COL4A4: variants seen among roughly 807,000 people sequenced by gnomAD.
COL4A4 encodes the protein collagen type IV alpha 4 chain.
Under a neutral mutation model 192.9 loss-of-function variants are expected in COL4A4, and 105 were observed. The ratio of observed to expected loss-of-function variants is 0.54; its 90% CI spans 0.46 to 0.64. COL4A4 has a LOEUF of 0.64. Ranked by LOEUF, COL4A4 falls within the 30% of genes least tolerant of loss-of-function variation. The pLI is 0.00. For synonymous variants in COL4A4, 762 were observed against 769.9 expected, an observed-to-expected ratio of 0.99 and a Z score of 0.17; for missense variants, 1,967 against 2,169.3, an observed-to-expected ratio of 0.91 and a Z score of 1.85.
At chr2:227,072,495 A>G (rs2058779198) in intron 25 of COL4A4, among the ~76,000 whole-genome samples, 1 of 151,886 alleles carries the variant, frequency 6.6e-6, no homozygotes, top group Admixed American at 6.6e-5. Flanking sequence ...ATTGGTACAA[A>G]TCCTACTGAA....
At chr2:226,971,892 G>A in the COL4A4 span, among the ~76,000 whole-genome samples, 2 of 148,576 alleles carry the variant, frequency 1.3e-5, no homozygotes, top group Non-Finnish European at 3.0e-5. Context: ...GAAAACTAGA[G>A]AGAAAGCAAA....
intron 20 of COL4A4, 45 bp from the exon 21 acceptor site, chr2:227,090,002 T>C: frequency 6.7e-7 from 1 of 1,495,088 alleles, no homozygotes. Context: ...CACATAATTT[T>C]TCTGACTGTC....
chr2:227,104,056 A>T lies in COL4A4; in HGVS notation c.736-4T>A. On this transcript the variant is annotated splice_region_variant and splice_polypyrimidine_tract_variant and intron_variant, in intron 12 of 47. Coordinates refer to ENST00000396625, the MANE Select transcript of COL4A4 (RefSeq NM_000092.5). The stretch of plus-strand genomic sequence containing the variant: ...AACCTTGCTGACCAACCTCACCCTT[A>T]AAAAAAAAAGCAAGATAATGAAAAT... The T allele has an allele frequency of 1.6e-6, 2 of 1,254,880 alleles. No homozygotes were observed. Among genetic ancestry groups the T allele is most frequent in the South Asian group, 1.4e-5 (1 of 70,274 alleles). 77.7% of individuals were successfully genotyped at this position (1,254,880 alleles called of 1,614,324 possible). A position where few individuals can be genotyped will look rare whatever the true frequency, so the allele number is the denominator to read the frequency against.
intron 4 of COL4A4, among the ~76,000 whole-genome samples, chr2:227,138,842 T>C (rs1014619933): frequency 1.3e-5 from 2 of 152,088 alleles, no homozygotes; most frequent in African/African-American, 4.8e-5. Flanking sequence ...GAGAGAAATA[T>C]GTTGTCCCTT....
chr2:227,159,643 C>T (rs2064658938), intron 1 of COL4A4, among the ~76,000 whole-genome samples: 1 of 152,150 alleles, frequency 6.6e-6, no homozygotes. Context: ...ATGCTATTCT[C>T]ATGATACTGA....
intron 1 of COL4A4, among the ~76,000 whole-genome samples, chr2:227,158,205 C>A (rs989230368): frequency 6.6e-6 from 1 of 152,076 alleles, no homozygotes; most frequent in Non-Finnish European, 1.5e-5. Flanking sequence ...TGATTTTTCA[C>A]AAAGGTGCCA....
At chr2:226,992,013 C>T in the COL4A4 span, among the ~76,000 whole-genome samples, 1 of 152,226 alleles carries the variant, frequency 6.6e-6, no homozygotes, top group Non-Finnish European at 1.5e-5. Context: ...TGTCCAGATT[C>T]TTTCCTGTGT....
the COL4A4 span, among the ~76,000 whole-genome samples, chr2:226,993,573 A>G: frequency 6.6e-6 from 1 of 152,244 alleles, no homozygotes; most frequent in Non-Finnish European, 1.5e-5. Context: ...AGATTCCTTT[A>G]CAAATACATA....
At chr2:227,009,612 C>T (rs189325445) in intron 46 of COL4A4, among the ~76,000 whole-genome samples, 31 of 151,818 alleles carry the variant, frequency 2.0e-4, no homozygotes, top group Admixed American at 3.3e-4. Flanking sequence ...GCAGGAGAAT[C>T]GCTCGAACCC....
At chr2:226,971,909 CTT>C in the COL4A4 span, among the ~76,000 whole-genome samples, 98 of 146,364 alleles carry the variant, frequency 6.7e-4, 1 homozygote, top group Middle Eastern at 3.5e-3. Flanking sequence ...CAAAAGCCCA[CTT>C]TTTTTTTTTT....
chr2:226,971,596 T>C, the COL4A4 span, among the ~76,000 whole-genome samples: 2 of 152,240 alleles, frequency 1.3e-5, no homozygotes, highest in African/African-American at 2.4e-5. Context: ...TTTCTCTCTG[T>C]TTAGTTGCTA....
chr2:227,151,810 C>A (rs750757564), intron 1 of COL4A4, among the ~76,000 whole-genome samples: 1 of 152,148 alleles, frequency 6.6e-6, no homozygotes, highest in Non-Finnish European at 1.5e-5. Flanking sequence ...TGTGAGGATG[C>A]AGCAAGAAGG....
chr2:227,117,645 C>G (rs1469051035), intron 7 of COL4A4, among the ~76,000 whole-genome samples: 1 of 141,848 alleles, frequency 7.0e-6, no homozygotes, highest in East Asian at 2.0e-4. Flanking sequence ...GGGAGAAATG[C>G]TAAAAAAAAA....
intron 34 of COL4A4, among the ~76,000 whole-genome samples, chr2:227,048,308 T>C (rs954783198): frequency 2.0e-5 from 3 of 152,198 alleles, no homozygotes; most frequent in Non-Finnish European, 4.4e-5. Flanking sequence ...TATCTGATTT[T>C]ACTCATAATA....
chr2:227,103,829 A>T, intron 13 of COL4A4, 143 bp downstream of exon 13: 2 of 715,170 alleles, frequency 2.8e-6, no homozygotes, highest in South Asian at 1.5e-5. Context: ...GATGGGGCCA[A>T]CAGTAGTACC....
intron 1 of COL4A4, among the ~76,000 whole-genome samples, chr2:227,149,926 C>G (rs1466669064): frequency 1.3e-5 from 2 of 152,338 alleles, no homozygotes; most frequent in South Asian, 2.1e-4. Context: ...TGGTCTCTCA[C>G]TAGCCAAAAC....
Position 227,057,345 on chromosome 2 carries a change from T to C in COL4A4, c.2545+94A>G. On this transcript the variant is annotated intron_variant, in intron 29 of 47. Coordinates refer to ENST00000396625, the MANE Select transcript of COL4A4 (RefSeq NM_000092.5). Reference sequence around the variant, plus strand: ...GTCCTTTGTCTCTGACTCAGGACTCTTGCTTCTGGCAGCATCCATAAAAGA... The same window carrying C: ...GTCCTTTGTCTCTGACTCAGGACTCCTGCTTCTGGCAGCATCCATAAAAGA... The C allele has an allele frequency of 1.0e-5, 15 of 1,432,548 alleles. No individual in the cohort carries two copies. In the South Asian group the frequency reaches 1.7e-4, roughly 17 times the overall value. The allele number at this position is 1,432,548 out of a possible 1,614,324, so 88.7% of individuals were successfully genotyped here. A position where few individuals can be genotyped will look rare whatever the true frequency, so the allele number is the denominator to read the frequency against.
rs1482757506 is a variant in COL4A4, at chr2:227,031,945, C to T, written c.3817G>A (p.Gly1273Arg). 1 of 1,605,524 alleles carries T rather than the reference C, an allele frequency of 6.2e-7. No homozygotes were observed. The highest frequency in any genetic ancestry group is 2.2e-5 in the East Asian group (1 of 44,838). ...QGPPGPDGPR[G>R]APGPPGLPGS... Reference sequence around the variant, plus strand: ...ATCCTTTGTCATGATTCTCTCATACCTCTTGGGCCATCAGGACCAGGAGGT... The same window carrying T: ...ATCCTTTGTCATGATTCTCTCATACTTCTTGGGCCATCAGGACCAGGAGGT... The change falls in exon 40 of 48, where the codon GGA (glycine) becomes AGA (arginine). Residue 1273 changes from glycine to arginine, a missense_variant and splice_region_variant. Gly to Arg is a moderately radical substitution (Grantham distance 125, BLOSUM62 -2). Transcript: ENST00000396625.
chr2:227,062,675 C>T (rs1977436614), intron 25 of COL4A4, 77 bp from the exon 26 acceptor site: 1 of 1,005,694 alleles, frequency 9.9e-7, no homozygotes, highest in Non-Finnish European at 1.6e-6. Context: ...ATGACAACTT[C>T]CTCAAGATAT....
Sources: allele counts gnomAD v4.1 joint callset (sites outside exome capture counted in the v4.1 genomes callset), GRCh38; gene constraint gnomAD v4.1.1; transcripts MANE v1.5; gene names NCBI Gene and HGNC (gene_info 2026-07-23, HGNC 2026-07-21).